ZFHX3: variants seen among roughly 807,000 people sequenced by gnomAD.
ZFHX3 encodes zinc finger homeobox 3.
In ZFHX3, 42 loss-of-function variants were observed where a neutral mutation model predicts 279.1. That is an observed-to-expected ratio of 0.15 (90% CI 0.12 to 0.19). ZFHX3 has a LOEUF of 0.19. Ranked by LOEUF, ZFHX3 falls within the 10% of genes least tolerant of loss-of-function variation. The pLI is 1.00. For synonymous variants in ZFHX3, 2,293 were observed against 1,957.8 expected, an observed-to-expected ratio of 1.17 and a Z score of -4.52; for missense variants, 4,981 against 4,754.0, an observed-to-expected ratio of 1.05 and a Z score of -1.40.
rs866342329 is a variant in ZFHX3 at position 72,788,706 on chromosome 16, C to T, written c.9570G>A (p.Met3190Ile). ...SPTPAQATMA[M>I]GPQQPPQQQQ... is the part of the protein sequence containing the mutation. ...GCTGCTGGGGGGGTTGCTGAGGGCC[C>T]ATCGCCATCGTGGCTTGTGCTGGGG... The change falls in exon 10 of 10, where the codon ATG becomes ATA. Residue 3190 changes from methionine to isoleucine, a missense_variant. Met to Ile is a conservative substitution (Grantham distance 10). This residue lies in a region of ZFHX3 where 1,034 missense variants were observed against 786.0 expected (regional missense o/e 1.32). Transcript: ENST00000268489. 7 of 1,611,402 alleles carry T rather than the reference C, an allele frequency of 4.3e-6. No homozygotes were observed. In the South Asian group the frequency reaches 5.5e-5, roughly 13 times the overall value.
intron 3 of ZFHX3, among the ~76,000 whole-genome samples, chr16:72,902,343 T>TCCCAATCAATAGCCCGGACCAGCC: frequency 6.6e-6 from 1 of 152,204 alleles, no homozygotes; most frequent in Non-Finnish European, 1.5e-5. Flanking sequence ...AAACACAGGC[T>TCCCAATCAATAGCCCGGACCAGCC]CCCAATCAAT....
intron 1 of ZFHX3, among the ~76,000 whole-genome samples, chr16:73,716,762 G>A (rs1188901828): frequency 2.0e-5 from 3 of 152,002 alleles, no homozygotes; most frequent in Admixed American, 1.3e-4. Context: ...CATTTGTTCG[G>A]CTCCTTTGGG....
intron 4 of ZFHX3, chr16:73,294,152 T>C (rs944891673): frequency 1.3e-5 from 2 of 152,342 alleles, no homozygotes; most frequent in East Asian, 3.9e-4. Context: ...CAATTGGATA[T>C]ATACAGTACT....
chr16:72,796,013 C>G lies in ZFHX3; in HGVS notation c.6669G>C (p.Lys2223Asn). 1 of 1,614,146 alleles carries G rather than the reference C, an allele frequency of 6.2e-7. No homozygotes were observed. The highest frequency in any genetic ancestry group is 8.5e-7 in the Non-Finnish European group (1 of 1,180,022). Residue 2223 changes from lysine to asparagine, a missense_variant, in exon 9 of 10, where the codon AAG becomes AAC. Lys to Asn is a moderately conservative substitution (Grantham distance 94). Around this residue, in one of 7 missense-constraint regions of ZFHX3, gnomAD observed 177 missense variants for 244.2 expected, o/e 0.72. Coordinates refer to ENST00000268489, the MANE Select transcript of ZFHX3 (RefSeq NM_006885.4). Reference sequence around the variant, plus strand: ...CCGGCGAAGGGGGCCGGGAGTCAATCTTGAGCTCCTCCAGGCTGGTGATAG... The same window carrying G: ...CCGGCGAAGGGGGCCGGGAGTCAATGTTGAGCTCCTCCAGGCTGGTGATAG... ...NPPITSLEEL[K>N]IDSRPPSPEP... is the part of the protein sequence containing the mutation.
chr16:73,540,968 G>A (rs1158849651), intron 2 of ZFHX3, among the ~76,000 whole-genome samples: 1 of 152,024 alleles, frequency 6.6e-6, no homozygotes, highest in Non-Finnish European at 1.5e-5. Context: ...TAGAATAGAT[G>A]GTAGGGGTCA....
At chr16:73,367,560 C>T (rs2016551134) in intron 3 of ZFHX3, among the ~76,000 whole-genome samples, 1 of 152,010 alleles carries the variant, frequency 6.6e-6, no homozygotes, top group Non-Finnish European at 1.5e-5. Context: ...TGGCCACCTC[C>T]CACATGCTTG....
At chr16:73,863,810 G>T (rs1031377734) in intron 1 of ZFHX3, among the ~76,000 whole-genome samples, 1 of 152,184 alleles carries the variant, frequency 6.6e-6, no homozygotes, top group Non-Finnish European at 1.5e-5. Context: ...TTCTGTGAAA[G>T]AATAAGTGCC....
chr16:73,084,514 ATT>A lies in ZFHX3; in HGVS notation c.-533+8719_-533+8720del, dbSNP rs34134596. Among the ~76,000 whole-genome samples the A allele has an allele frequency of 3.0e-3, 276 of 92,622 alleles. 3 individuals carry two copies. The highest frequency in any genetic ancestry group is 0.022 in the East Asian group (70 of 3,168). 60.8% of individuals were successfully genotyped at this position (92,622 alleles called of 152,430 possible). ...AAAAATATAAAATACCTAGGACTAA[ATT>A]TTTTTTTTTTTTTTTTTTTTTTGAG... On this transcript the variant is annotated intron_variant, in intron 8 of 17. Transcript: ENST00000641206.
intron 1 of ZFHX3, among the ~76,000 whole-genome samples, chr16:73,774,296 C>A (rs1047980769): frequency 5.3e-5 from 8 of 152,254 alleles, no homozygotes; most frequent in Admixed American, 2.6e-4. Context: ...TAGCATGGTG[C>A]TTGTATAAGC....
At chr16:73,362,623 A>G (rs996480590) in intron 3 of ZFHX3, among the ~76,000 whole-genome samples, 3 of 152,228 alleles carry the variant, frequency 2.0e-5, no homozygotes, top group African/African-American at 7.2e-5. Context: ...TTCAATACCT[A>G]GAATGTGAGC....
At chr16:73,528,724 C>G (rs2019738616) in intron 2 of ZFHX3, among the ~76,000 whole-genome samples, 1 of 152,194 alleles carries the variant, frequency 6.6e-6, no homozygotes, top group African/African-American at 2.4e-5. Flanking sequence ...GCCATAGCCT[C>G]TTGTTCAGTC....
At chr16:73,681,230 A>C (rs993192062) in intron 1 of ZFHX3, among the ~76,000 whole-genome samples, 1 of 152,216 alleles carries the variant, frequency 6.6e-6, no homozygotes, top group South Asian at 2.1e-4. Flanking sequence ...TGGGAGAGAA[A>C]GGCATTTTAA....
chr16:73,351,462 G>A (rs1292174605), intron 3 of ZFHX3, among the ~76,000 whole-genome samples: 1 of 152,200 alleles, frequency 6.6e-6, no homozygotes, highest in Non-Finnish European at 1.5e-5. Flanking sequence ...GCCTGGGAGA[G>A]GGGACAGCTG....
At chr16:73,878,940 G>GAT (rs3082335) in intron 1 of ZFHX3, among the ~76,000 whole-genome samples, 11,461 of 140,828 alleles carry the variant, frequency 0.081, 561 homozygotes, top group East Asian at 0.18. Context: ...AAAAAGATAA[G>GAT]ATATATATAT....
At chr16:72,843,033 C>T (rs2037382142) in intron 4 of ZFHX3, among the ~76,000 whole-genome samples, 1 of 152,214 alleles carries the variant, frequency 6.6e-6, no homozygotes, top group South Asian at 2.1e-4. Context: ...GCAGAATAGT[C>T]CAAACACAAA....
chr16:72,813,580 T>G (rs541302528), intron 5 of ZFHX3, among the ~76,000 whole-genome samples: 1 of 152,354 alleles, frequency 6.6e-6, no homozygotes, highest in Admixed American at 6.5e-5. Context: ...TACATAAGTT[T>G]GTAGGACATC....
intron 1 of ZFHX3, among the ~76,000 whole-genome samples, chr16:73,810,072 C>T (rs1960386086): frequency 6.6e-6 from 1 of 152,156 alleles, no homozygotes; most frequent in Admixed American, 6.5e-5. Context: ...GGATGAAGTC[C>T]TGCCTGTTAG....
At chr16:73,431,296 T>C (rs954571081) in intron 3 of ZFHX3, among the ~76,000 whole-genome samples, 5 of 152,142 alleles carry the variant, frequency 3.3e-5, no homozygotes, top group Non-Finnish European at 5.9e-5. Context: ...TCCCAGCATT[T>C]TGGGAGGCTG....
intron 8 of ZFHX3, chr16:73,081,732 G>A (rs1965947825): frequency 6.6e-6 from 1 of 152,138 alleles, no homozygotes; most frequent in African/African-American, 2.4e-5. Flanking sequence ...ATGGACTCTA[G>A]TGTGCAGAAC....
Sources: gnomAD v4.1 joint callset for allele counts (sites outside exome capture counted in the v4.1 genomes callset) on GRCh38, gnomAD v4.1.1 for gene constraint, gnomAD v4.1.1 regional missense constraint, MANE v1.5 for transcripts, NCBI Gene and HGNC (gene_info 2026-07-23, HGNC 2026-07-21) for gene names.